The following GOSR2 variants were observed in gnomAD, a reference collection of about 807,000 sequenced individuals.
GOSR2 encodes golgi SNAP receptor complex member 2, also known as 27 kDa Golgi SNARE protein.
A neutral mutation model predicts 27.9 loss-of-function variants in GOSR2; 20 were observed. That is an observed-to-expected ratio of 0.72 (90% CI 0.50 to 1.04). The LOEUF is 1.04. Ranked by LOEUF, GOSR2 falls within the 50% of genes least tolerant of loss-of-function variation. The probability of loss-of-function intolerance (pLI) is 0.00; values close to 1 mark genes in which losing one functional copy is unlikely to be tolerated. For synonymous variants in GOSR2, 91 were observed against 98.8 expected (o/e 0.92, Z 0.47); for missense variants, 261 against 270.5 (o/e 0.97, Z 0.25).
chr17:46,948,191 C>T (rs902266969), intron 6 of GOSR2, among the ~76,000 whole-genome samples: 3 of 152,240 alleles, frequency 2.0e-5, no homozygotes, highest in African/African-American at 4.8e-5. Context: ...CACCTCTCCA[C>T]GCCTCTGTTC....
intron 5 of GOSR2, among the ~76,000 whole-genome samples, chr17:46,938,220 T>C (rs1471938027): frequency 6.6e-6 from 1 of 152,176 alleles, no homozygotes; most frequent in African/African-American, 2.4e-5. Context: ...AATTGTGGCT[T>C]TAGCTTTTAT....
intron 1 of GOSR2, among the ~76,000 whole-genome samples, chr17:46,927,686 C>T (rs1392126944): frequency 6.6e-6 from 1 of 152,138 alleles, no homozygotes; most frequent in African/African-American, 2.4e-5. Flanking sequence ...CTGTTTCTTT[C>T]CTCTTGGGCC....
At position 46,938,614 on chromosome 17, in the gene GOSR2, A is replaced by G; in HGVS notation, c.493A>G (p.Ile165Val). The change falls in exon 6 of 6, where the codon ATC becomes GTC. Residue 165 changes from isoleucine to valine, a missense_variant. Coordinates refer to ENST00000640051, the MANE Select transcript of GOSR2 (RefSeq NM_004287.5). ...TCTGCCCCAGGGGACTCAGAAGAAG[A>G]TCCTTGACATTGCCAACATGCTGGG... ...RLTLKGTQKK[I>V]LDIANMLGLS... is the part of the protein sequence containing the mutation. 1 of 1,613,934 alleles carries G rather than the reference A, an allele frequency of 6.2e-7. No individual in the cohort carries two copies. The highest frequency in any genetic ancestry group is 1.1e-5 in the South Asian group (1 of 91,064).
intron 6 of GOSR2, among the ~76,000 whole-genome samples, chr17:46,947,924 A>G (rs537752436): frequency 6.6e-6 from 1 of 152,232 alleles, no homozygotes; most frequent in South Asian, 2.1e-4. Context: ...ATGTGCCACC[A>G]CGCCTGGCTA....
chr17:46,932,601 G>A lies in GOSR2; in HGVS notation c.336+402G>A, dbSNP rs143567657. On this transcript the variant is annotated intron_variant, in intron 4 of 5. Coordinates refer to ENST00000640051, the MANE Select transcript of GOSR2 (RefSeq NM_004287.5). ...GGGCAGTTGCCATTGTGCCGAGTAT[G>A]TGTGTGGCTCCAGTGTCAGGTGCAT... 606 of 412,232 alleles carry A rather than the reference G, an allele frequency of 1.5e-3. 3 individuals are homozygous for A. The highest frequency in any genetic ancestry group is 4.6e-3 in the Middle Eastern group (7 of 1,530). The allele number at this position is 412,232 out of a possible 1,614,324, so 25.5% of individuals were successfully genotyped here.
At chr17:46,962,002 G>A (rs924546897) in intron 6 of GOSR2, among the ~76,000 whole-genome samples, 2 of 152,228 alleles carry the variant, frequency 1.3e-5, no homozygotes, top group East Asian at 3.9e-4. Context: ...TTTCTAAAAT[G>A]AGGATAAGGG....
chr17:46,931,079 CT>C lies in GOSR2; in HGVS notation c.95-14del. 1 of 1,260,980 alleles carries C rather than the reference CT, an allele frequency of 7.9e-7. No individual in the cohort carries two copies. Among genetic ancestry groups the C allele is most frequent in the Non-Finnish European group, 1.2e-6 (1 of 859,024 alleles). 78.1% of individuals were successfully genotyped at this position (1,260,980 alleles called of 1,614,324 possible). The stretch of plus-strand genomic sequence containing the variant: ...CACTATCTCTTTTCCAGCAATTATT[CT>C]TTTTTCTTTTTTGTACAGTAGTAGA... On this transcript the variant is annotated intron_variant, in intron 2 of 5. Transcript: ENST00000640051.
downstream of GOSR2, among the ~76,000 whole-genome samples, chr17:46,944,380 T>C (rs2089645760): frequency 6.6e-6 from 1 of 152,140 alleles, no homozygotes; most frequent in Non-Finnish European, 1.5e-5. Context: ...GCCTCAGCTT[T>C]CTAAGAATGG....
At chr17:46,931,394 G>C in intron 3 of GOSR2, 187 bp downstream of exon 3, 1 of 614,304 alleles carries the variant, frequency 1.6e-6, no homozygotes, top group Admixed American at 3.0e-5. Flanking sequence ...TAAATAGCCT[G>C]TGAGGTTTGT....
intron 6 of GOSR2, chr17:46,955,852 C>G (rs1198784796): frequency 6.6e-6 from 1 of 152,308 alleles, no homozygotes; most frequent in Non-Finnish European, 1.5e-5. Context: ...CACTCCACCC[C>G]ACCCTACCCT....
chr17:46,969,579 C>T (rs1219457903), downstream of GOSR2, among the ~76,000 whole-genome samples: 1 of 152,232 alleles, frequency 6.6e-6, no homozygotes, highest in African/African-American at 2.4e-5. Context: ...CTGGGACCAG[C>T]CTCTGTCCTG....
rs746988252 is a variant in GOSR2 at position 46,932,219 on chromosome 17, A to C, written c.336+20A>C. 2.5e-6 allele frequency: 4 copies of C among 1,613,692 alleles called. No homozygotes were observed. The Admixed American group carries it at 6.7e-5, about 27-fold the overall frequency. ...ACTAACGTAAGCCAGGCCCGTGGTG[A>C]GGGTCGGCCTGCACTTGACAGATCG... On this transcript the variant is annotated intron_variant, in intron 4 of 5. Coordinates refer to ENST00000640051, the MANE Select transcript of GOSR2 (RefSeq NM_004287.5).
At chr17:46,949,621 T>C (rs1050610513) in intron 6 of GOSR2, among the ~76,000 whole-genome samples, 2 of 152,118 alleles carry the variant, frequency 1.3e-5, no homozygotes, top group Non-Finnish European at 2.9e-5. Flanking sequence ...TGGGAAGACA[T>C]ACATGAGCAT....
intron 3 of GOSR2, 113 bp downstream of exon 3, chr17:46,931,320 A>G: frequency 1.4e-6 from 1 of 715,238 alleles, no homozygotes; most frequent in South Asian, 1.5e-5. Context: ...TTGAAAAACT[A>G]TGACTATGCA....
intron 5 of GOSR2, chr17:46,936,245 C>T (rs757656650): frequency 2.0e-4 from 197 of 985,316 alleles, no homozygotes; most frequent in Non-Finnish European, 2.2e-4. Context: ...TGCTACTCTC[C>T]TTTTCATATC....
rs189899 is a variant in GOSR2, at chr17:46,923,163, G to T, written c.-30G>T. The T allele has an allele frequency of 6.9e-7, 1 of 1,451,428 alleles. No homozygotes were observed. The highest frequency in any genetic ancestry group is 2.5e-5 in the East Asian group (1 of 40,446). The allele number at this position is 1,451,428 out of a possible 1,614,324, so 89.9% of individuals were successfully genotyped here. A position where few individuals can be genotyped will look rare whatever the true frequency, so the allele number is the denominator to read the frequency against. On this transcript the variant is annotated 5_prime_UTR_variant, in exon 1 of 6. Coordinates refer to ENST00000640051, the MANE Select transcript of GOSR2 (RefSeq NM_004287.5). The stretch of plus-strand genomic sequence containing the variant: ...GAGGACGTGTTCCGAGGAAGCCAGA[G>T]CCGGAGCCGTGGCCTGCGGGGCCGG...
rs930165998 is a variant in GOSR2, at chr17:46,941,421, T to A, written c.*2661T>A. 5.1e-6 allele frequency: 5 copies of A among 984,326 alleles called. No homozygotes were observed. The South Asian group carries it at 1.4e-4, about 28-fold the overall frequency. 61.0% of individuals were successfully genotyped at this position (984,326 alleles called of 1,614,324 possible). On this transcript the variant is annotated 3_prime_UTR_variant, in exon 6 of 6. Transcript: ENST00000640051. ...TTTATAACTAATGGCCCCCTTTTTT[T>A]ATGTTTCTAGGCCAGAGATTCTCAA...
At chr17:46,959,761 A>AT (rs2090948781) in intron 6 of GOSR2, among the ~76,000 whole-genome samples, 1 of 151,958 alleles carries the variant, frequency 6.6e-6, no homozygotes, top group Non-Finnish European at 1.5e-5. Flanking sequence ...CCACTACAAA[A>AT]CTTTTCCCTT....
chr17:46,971,772 G>A (rs137857126), downstream of GOSR2, among the ~76,000 whole-genome samples: 5 of 152,326 alleles, frequency 3.3e-5, no homozygotes, highest in South Asian at 6.2e-4. Flanking sequence ...CACGCCTCAA[G>A]CTCTGTGGTT....
Sources: allele counts gnomAD v4.1 joint callset (sites outside exome capture counted in the v4.1 genomes callset), GRCh38; gene constraint gnomAD v4.1.1; transcripts MANE v1.5; gene names NCBI Gene and HGNC (gene_info 2026-07-23, HGNC 2026-07-21).